The following CPAMD8 variants were observed in gnomAD, a reference collection of about 807,000 sequenced individuals.
CPAMD8 encodes the protein C3 and PZP-like alpha-2-macroglobulin domain-containing protein 8.
A neutral mutation model predicts 224.7 loss-of-function variants in CPAMD8; 146 were observed. The observed-to-expected ratio is 0.65, with a 90% confidence interval of 0.57 to 0.75. The LOEUF is 0.75. CPAMD8 is among the 30% of genes least tolerant of loss of function. The pLI is 0.00. For synonymous variants in CPAMD8, 966 were observed against 1,044.6 expected (o/e 0.92, Z 1.45); for missense variants, 2,301 against 2,537.5 (o/e 0.91, Z 2.00).
intron 10 of CPAMD8, among the ~76,000 whole-genome samples, chr19:16,999,405 C>T (rs376652920): frequency 7.7e-4 from 117 of 151,882 alleles, no homozygotes; most frequent in African/African-American, 2.7e-3. Context: ...ACAGTGAAAC[C>T]CCGTCTCTAC....
At chr19:16,980,434 C>A (rs1225413680) in intron 14 of CPAMD8, 63 bp downstream of exon 14, 1 of 1,514,222 alleles carries the variant, frequency 6.6e-7, no homozygotes, top group African/African-American at 1.4e-5. Context: ...TGCAGGAGCA[C>A]CCATCTCAGT....
At chr19:16,945,945 ATTTGTGTGCACGAG>A (rs371081690) in intron 21 of CPAMD8, among the ~76,000 whole-genome samples, 55 of 151,954 alleles carry the variant, frequency 3.6e-4, no homozygotes, top group African/African-American at 1.3e-3. Context: ...ACGTGTGTGC[ATTTGTGTGCACGAG>A]TTTGTGTGTG....
intron 13 of CPAMD8, among the ~76,000 whole-genome samples, chr19:16,985,457 T>C (rs1277711797): frequency 6.9e-6 from 1 of 145,904 alleles, no homozygotes; most frequent in South Asian, 2.2e-4. Context: ...GGTAGATGGA[T>C]GGATGGATGG....
At position 16,945,431 on chromosome 19, in the gene CPAMD8, C is replaced by A. The variant is rs888800527; in HGVS notation, c.2793+118G>T. On this transcript the variant is annotated intron_variant, in intron 22 of 41. Transcript: ENST00000443236. ...AGGCACCTGAGCTCTCAAGCACAAC[C>A]CGTGAAGGCTGCCCAGGCCCTGGCT... 4 of 1,392,842 alleles carry A rather than the reference C, an allele frequency of 2.9e-6. No homozygotes were observed. The African/African-American group carries it at 5.7e-5, about 20-fold the overall frequency. The allele number at this position is 1,392,842 out of a possible 1,614,324, so 86.3% of individuals were successfully genotyped here. A position where few individuals can be genotyped will look rare whatever the true frequency, so the allele number is the denominator to read the frequency against.
chr19:16,975,708 T>C (rs1029656537), intron 16 of CPAMD8, among the ~76,000 whole-genome samples: 3 of 151,900 alleles, frequency 2.0e-5, no homozygotes, highest in Non-Finnish European at 2.9e-5. Context: ...ATCCCAACTC[T>C]AAAAATAATA....
chr19:17,006,974 A>G (rs1274195809), intron 7 of CPAMD8, among the ~76,000 whole-genome samples: 1 of 152,200 alleles, frequency 6.6e-6, no homozygotes, highest in Non-Finnish European at 1.5e-5. Flanking sequence ...AGCTGCTGAT[A>G]CAAAGACAGC....
At chr19:16,958,139 T>C (rs1347251463) in intron 18 of CPAMD8, among the ~76,000 whole-genome samples, 1 of 152,206 alleles carries the variant, frequency 6.6e-6, no homozygotes, top group Non-Finnish European at 1.5e-5. Flanking sequence ...AAAACTTTAT[T>C]TTAGGTTCAG....
intron 13 of CPAMD8, among the ~76,000 whole-genome samples, chr19:16,987,179 A>AAAAAAAATATAT (rs1555784836): frequency 5.6e-5 from 3 of 53,918 alleles, no homozygotes; most frequent in African/African-American, 1.0e-4. Flanking sequence ...AAAAAAAAAA[A>AAAAAAAATATAT]ATATATATAT....
intron 30 of CPAMD8, among the ~76,000 whole-genome samples, chr19:16,906,300 C>CCTCT (rs201527602): frequency 6.7e-6 from 1 of 148,964 alleles, no homozygotes; most frequent in Admixed American, 6.7e-5. Flanking sequence ...TCCCTCCCTC[C>CCTCT]CTCTCTCTCT....
chr19:16,935,177 T>C, intron 23 of CPAMD8, among the ~76,000 whole-genome samples: 1 of 152,190 alleles, frequency 6.6e-6, no homozygotes, highest in East Asian at 1.9e-4. Context: ...CTGTACCCGT[T>C]TCCCCCTCTC....
chr19:16,967,892 T>TATATACACACAC lies in CPAMD8; in HGVS notation c.2213+2998_2213+2999insGTGTGTGTATAT, dbSNP rs71946803. 3.4e-3 allele frequency among the ~76,000 whole-genome samples: 166 copies of TATATACACACAC among 49,510 alleles called. 10 individuals are homozygous for TATATACACACAC. In the Middle Eastern group the frequency reaches 0.052, roughly 16 times the overall value. The allele number at this position is 49,510 out of a possible 152,430, so 32.5% of individuals were successfully genotyped here. The stretch of plus-strand genomic sequence containing the variant: ...ATATATGTGCATATATACACACACA[T>TATATACACACAC]GTGTGTGTATATATGTGCATATATA... On this transcript the variant is annotated intron_variant, in intron 18 of 41. Coordinates refer to ENST00000443236, the MANE Select transcript of CPAMD8 (RefSeq NM_015692.5).
At chr19:17,013,820 T>C (rs2056731423) in intron 3 of CPAMD8, among the ~76,000 whole-genome samples, 1 of 151,894 alleles carries the variant, frequency 6.6e-6, no homozygotes, top group Admixed American at 6.6e-5. Context: ...TTTGTGTTTT[T>C]GCCACACAGA....
chr19:16,945,579 C>T lies in CPAMD8; in HGVS notation c.2763G>A (p.Val921=), dbSNP rs184657209. Residue 921 remains valine, a synonymous_variant, in exon 22 of 42, where the codon GTG becomes GTA. Coordinates refer to ENST00000443236, the MANE Select transcript of CPAMD8 (RefSeq NM_015692.5). ...CCATCACACTGCGCCTGACGTGATC[C>T]ACCCCGATGGGGACCCTCCTGTCGG... ...NHADRRVPIG[V]DHVRRSVMVE... 3 of 1,614,166 alleles carry T rather than the reference C, an allele frequency of 1.9e-6. No homozygotes were observed. The Admixed American group carries it at 5.0e-5, about 27-fold the overall frequency.
chr19:16,958,097 T>G (rs753137740), intron 18 of CPAMD8, among the ~76,000 whole-genome samples, 182 bp from the exon 19 acceptor site: 8 of 151,956 alleles, frequency 5.3e-5, no homozygotes, highest in Non-Finnish European at 1.0e-4. Context: ...GGGTTAACAG[T>G]CTACTTGATT....
At position 16,914,743 on chromosome 19, in the gene CPAMD8, C is replaced by T. The variant is rs759080185; in HGVS notation, c.3700G>A (p.Ala1234Thr). The change falls in exon 28 of 42, where the codon GCT (alanine) becomes ACT (threonine). Residue 1234 changes from alanine to threonine, a missense_variant. Physicochemically the swap from Ala to Thr is moderately conservative, Grantham distance 58. This residue lies in a region of CPAMD8 where 1,709 missense variants were observed against 1,753.2 expected (regional missense o/e 0.97). Coordinates refer to ENST00000443236, the MANE Select transcript of CPAMD8 (RefSeq NM_015692.5). ...TGGATGATCCAGCTCTTGGCGGCAG[C>T]CAGCTCCCGGGGGTCCACGAAGATA... ...SFIFVDPRELAAAKSWIIQQQ... is the reference protein window; with the variant it reads ...SFIFVDPRELTAAKSWIIQQQ... 1 of 1,614,076 alleles carries T rather than the reference C, an allele frequency of 6.2e-7. No homozygotes were observed. Among genetic ancestry groups the T allele is most frequent in the South Asian group, 1.1e-5 (1 of 91,080 alleles).
intron 22 of CPAMD8, among the ~76,000 whole-genome samples, chr19:16,939,876 T>G (rs1003115219): frequency 8.5e-5 from 13 of 152,106 alleles, no homozygotes; most frequent in African/African-American, 2.9e-4. Context: ...CTTTAGCTTT[T>G]TTGTTGTTGT....
At chr19:16,939,097 G>A (rs1425622774) in intron 22 of CPAMD8, among the ~76,000 whole-genome samples, 3 of 152,192 alleles carry the variant, frequency 2.0e-5, no homozygotes, top group Non-Finnish European at 4.4e-5. Flanking sequence ...GTTAACATGG[G>A]GCAGCTGCAA....
chr19:17,008,678 C>T (rs1475615352), intron 6 of CPAMD8, 119 bp from the exon 7 acceptor site: 1 of 1,142,528 alleles, frequency 8.8e-7, no homozygotes. Flanking sequence ...AGCGAAGGTC[C>T]CAAGATTAAT....
intron 22 of CPAMD8, among the ~76,000 whole-genome samples, chr19:16,941,036 T>C (rs1347662156): frequency 6.6e-6 from 1 of 152,058 alleles, no homozygotes; most frequent in East Asian, 1.9e-4. Context: ...GTTCAAGCAA[T>C]TCTCCTGTCT....
Sources: allele counts gnomAD v4.1 joint callset (sites outside exome capture counted in the v4.1 genomes callset), GRCh38; gene constraint gnomAD v4.1.1; regional missense constraint gnomAD v4.1.1; transcripts MANE v1.5; gene names NCBI Gene and HGNC (gene_info 2026-07-23, HGNC 2026-07-21).